Variants in WIPF2 observed in about 807,000 individuals in gnomAD.
The protein encoded by WIPF2 is WAS/WASL interacting protein family member 2.
In WIPF2, 23 loss-of-function variants were observed where a neutral mutation model predicts 38.8. That is an observed-to-expected ratio of 0.59 (90% CI 0.43 to 0.84). The LOEUF (loss-of-function observed/expected upper bound fraction) is 0.84. WIPF2 is among the 40% of genes least tolerant of loss of function. WIPF2 has a pLI of 0.00. For synonymous variants in WIPF2, 210 were observed against 223.2 expected (o/e 0.94, Z 0.53); for missense variants, 574 against 580.5 (o/e 0.99, Z 0.11).
chr17:40,220,527 C>CTGGGACCACAGG, intron 1 of WIPF2: 1 of 140,776 alleles, frequency 7.1e-6, no homozygotes, highest in Non-Finnish European at 1.5e-5. Context: ...CCGCCAATAG[C>CTGGGACCACAGG]TGGGACCACA....
chr17:40,259,985 G>T (rs2031846933), intron 2 of WIPF2, among the ~76,000 whole-genome samples: 1 of 152,200 alleles, frequency 6.6e-6, no homozygotes, highest in South Asian at 2.1e-4. Context: ...ATTACTGCAG[G>T]CCTCCCATCA....
At chr17:40,261,029 A>G (rs2031884883) in intron 3 of WIPF2, among the ~76,000 whole-genome samples, 1 of 137,800 alleles carries the variant, frequency 7.3e-6, no homozygotes, top group African/African-American at 2.6e-5. Context: ...CTGTCTCTCA[A>G]AAAGGTAAAA....
chr17:40,251,833 C>T (rs1430327789), intron 1 of WIPF2, among the ~76,000 whole-genome samples: 1 of 152,168 alleles, frequency 6.6e-6, no homozygotes, highest in African/African-American at 2.4e-5. Context: ...TAATAAATGT[C>T]ATTGATAGGA....
chr17:40,227,010 G>C (rs1268244912), intron 1 of WIPF2, among the ~76,000 whole-genome samples: 2 of 151,740 alleles, frequency 1.3e-5, no homozygotes, highest in Non-Finnish European at 2.9e-5. Flanking sequence ...CAAAGTGCTG[G>C]GATTACAGGC....
chr17:40,250,914 C>CTTTTTTTTTTTT (rs1020649049), intron 1 of WIPF2, among the ~76,000 whole-genome samples: 1 of 90,342 alleles, frequency 1.1e-5, no homozygotes, highest in Non-Finnish European at 2.2e-5. Context: ...CTATTAGATT[C>CTTTTTTTTTTTT]TTTTTTTTTT....
chr17:40,255,195 A>T (rs2031679342), intron 1 of WIPF2, among the ~76,000 whole-genome samples: 1 of 152,122 alleles, frequency 6.6e-6, no homozygotes, highest in Non-Finnish European at 1.5e-5. Context: ...AAACAACCCA[A>T]TTAAAAATAT....
chr17:40,221,206 G>A (rs757557901), intron 1 of WIPF2, among the ~76,000 whole-genome samples: 18 of 152,142 alleles, frequency 1.2e-4, no homozygotes, highest in Admixed American at 5.9e-4. Context: ...CTTACTGAAT[G>A]TTTTTGGCTA....
At chr17:40,233,839 G>A (rs1203752065) in intron 1 of WIPF2, among the ~76,000 whole-genome samples, 1 of 151,778 alleles carries the variant, frequency 6.6e-6, no homozygotes, top group African/African-American at 2.4e-5. Flanking sequence ...CGAGGCGGGC[G>A]GATCACCTGA....
At chr17:40,222,587 T>TGTGTGTGTG (rs1027492144) in intron 1 of WIPF2, among the ~76,000 whole-genome samples, 3,512 of 146,364 alleles carry the variant, frequency 0.024, 54 homozygotes, top group Middle Eastern at 0.046. Flanking sequence ...GTGTGTGTGT[T>TGTGTGTGTG]TGTGTGTGTG....
At chr17:40,262,771 A>G (rs1598491855) in intron 4 of WIPF2, 130 bp downstream of exon 4, 3 of 690,250 alleles carry the variant, frequency 4.3e-6, no homozygotes, top group East Asian at 5.2e-5. Flanking sequence ...GGGAGGAGTT[A>G]TAGAATAGAA....
chr17:40,229,424 T>C (rs1213730986), intron 1 of WIPF2, among the ~76,000 whole-genome samples: 1 of 148,912 alleles, frequency 6.7e-6, no homozygotes, highest in African/African-American at 2.5e-5. Flanking sequence ...TTTATTCATT[T>C]ATTTATTTAT....
In WIPF2 at chr17:40,283,750, G is replaced by A. The variant is rs1166307416; in HGVS notation, c.*5525G>A. ...TGTGTGTATCTGTTTTTATGTGGGTGTTGGCTGTTTTTCGTCACTGCTTTT... is the reference window on the plus strand; with the variant it reads ...TGTGTGTATCTGTTTTTATGTGGGTATTGGCTGTTTTTCGTCACTGCTTTT... On this transcript the variant is annotated 3_prime_UTR_variant, in exon 8 of 8. Transcript: ENST00000323571. The A allele has an allele frequency of 6.6e-6, 1 of 152,184 alleles. No homozygotes were observed. The highest frequency in any genetic ancestry group is 1.5e-5 in the Non-Finnish European group (1 of 68,028). 9.4% of individuals were successfully genotyped at this position (152,184 alleles called of 1,614,324 possible).
At chr17:40,244,341 C>G (rs1469343763) in intron 1 of WIPF2, among the ~76,000 whole-genome samples, 1 of 152,082 alleles carries the variant, frequency 6.6e-6, no homozygotes, top group African/African-American at 2.4e-5. Context: ...TGGCTCTTTT[C>G]TCATTTTGGG....
chr17:40,225,425 T>A (rs571272781), intron 1 of WIPF2, among the ~76,000 whole-genome samples: 1 of 152,102 alleles, frequency 6.6e-6, no homozygotes, highest in Non-Finnish European at 1.5e-5. Flanking sequence ...CAGTCTTAAC[T>A]CTCTTTAAGA....
intron 1 of WIPF2, among the ~76,000 whole-genome samples, chr17:40,251,038 C>G (rs932164755): frequency 6.6e-6 from 1 of 151,396 alleles, no homozygotes; most frequent in African/African-American, 2.4e-5. Flanking sequence ...CTCAGCCTCC[C>G]GAGTAGCTGG....
At chr17:40,252,242 A>G (rs907287018) in intron 1 of WIPF2, among the ~76,000 whole-genome samples, 1 of 152,206 alleles carries the variant, frequency 6.6e-6, no homozygotes, top group Non-Finnish European at 1.5e-5. Flanking sequence ...CTTTTAGGTC[A>G]TTATTCACCT....
intron 2 of WIPF2, among the ~76,000 whole-genome samples, chr17:40,258,033 GT>G (rs1598487872): frequency 1.3e-5 from 2 of 152,158 alleles, no homozygotes; most frequent in Admixed American, 1.3e-4. Flanking sequence ...TAGACATTTT[GT>G]TTTAGGAGTA....
intron 1 of WIPF2, among the ~76,000 whole-genome samples, chr17:40,236,575 G>A (rs1486750754): frequency 6.7e-6 from 1 of 149,020 alleles, no homozygotes; most frequent in East Asian, 2.0e-4. Flanking sequence ...CAAAGTGCTG[G>A]GATTACAGGC....
chr17:40,229,362 G>A (rs1437186106), intron 1 of WIPF2, among the ~76,000 whole-genome samples: 5 of 151,848 alleles, frequency 3.3e-5, no homozygotes, highest in Admixed American at 6.6e-5. Flanking sequence ...CCACCTCGGC[G>A]TCCCAAAGTG....
Sources: gnomAD v4.1 joint callset for allele counts (sites outside exome capture counted in the v4.1 genomes callset) on GRCh38, gnomAD v4.1.1 for gene constraint, MANE v1.5 for transcripts, NCBI Gene and HGNC (gene_info 2026-07-23, HGNC 2026-07-21) for gene names.